The following DGUOK variants were observed in gnomAD, a reference collection of about 807,000 sequenced individuals.
DGUOK encodes deoxyguanosine kinase, mitochondrial.
DGUOK carries 30 observed loss-of-function variants against 36.6 expected under a neutral mutation model. The ratio of observed to expected loss-of-function variants is 0.82; its 90% CI spans 0.61 to 1.11. The LOEUF (loss-of-function observed/expected upper bound fraction) is 1.11, where lower values mean the gene tolerates loss of function less well. Ranked by LOEUF, DGUOK falls within the 50% of genes most tolerant of loss-of-function variation. The pLI, the probability that DGUOK is intolerant of heterozygous loss-of-function variation, is 0.00. For synonymous variants in DGUOK, 145 were observed against 126.3 expected (o/e 1.15, Z -0.99); for missense variants, 361 against 336.4 (o/e 1.07, Z -0.57).
chr2:73,948,132 C>T (rs1486745778), intron 3 of DGUOK, among the ~76,000 whole-genome samples: 1 of 152,232 alleles, frequency 6.6e-6, no homozygotes, highest in African/African-American at 2.4e-5. Flanking sequence ...ACTTCTTTTT[C>T]AGCTGTTGGA....
At chr2:73,949,953 AAGCAAGCAAGCAGG>A (rs1319534977) in intron 3 of DGUOK, among the ~76,000 whole-genome samples, 2 of 152,194 alleles carry the variant, frequency 1.3e-5, no homozygotes, top group African/African-American at 2.4e-5. Context: ...GCAGCAGAGG[AAGCAAGCAAGCAGG>A]AGCTCATAAT....
chr2:73,957,933 G>A, intron 5 of DGUOK: 1 of 466,940 alleles, frequency 2.1e-6, no homozygotes, highest in Non-Finnish European at 4.0e-6. Flanking sequence ...CTGTTTGTTA[G>A]TATCACTCTC....
intron 1 of DGUOK, among the ~76,000 whole-genome samples, chr2:73,928,423 T>C (rs1680771719): frequency 6.6e-6 from 1 of 152,226 alleles, no homozygotes; most frequent in Non-Finnish European, 1.5e-5. Context: ...CCACTGCACC[T>C]GGCCGAAGTT....
chr2:73,930,917 T>C (rs1653261), intron 1 of DGUOK, among the ~76,000 whole-genome samples: 84,718 of 149,672 alleles, frequency 0.57, 25,046 homozygotes, highest in Non-Finnish European at 0.65. Flanking sequence ...TGCCTCAGGC[T>C]CCCAAGTAGC....
intron 1 of DGUOK, among the ~76,000 whole-genome samples, chr2:73,934,766 A>AG: frequency 6.7e-6 from 1 of 149,690 alleles, no homozygotes; most frequent in East Asian, 2.0e-4. Context: ...AAAAAAAAAA[A>AG]AAAGGAAAGA....
intron 2 of DGUOK, among the ~76,000 whole-genome samples, chr2:73,941,579 C>T (rs1681905472): frequency 6.6e-6 from 1 of 152,148 alleles, no homozygotes; most frequent in Non-Finnish European, 1.5e-5. Flanking sequence ...CAAGATCTCC[C>T]TTTCACAGTG....
intron 2 of DGUOK, among the ~76,000 whole-genome samples, chr2:73,946,336 A>G (rs1179588389): frequency 3.3e-5 from 5 of 152,234 alleles, no homozygotes; most frequent in East Asian, 1.9e-4. Flanking sequence ...ATAGTGTTAT[A>G]GTGGAAAGAT....
intron 1 of DGUOK, among the ~76,000 whole-genome samples, chr2:73,937,203 T>A (rs1424374651): frequency 6.6e-6 from 1 of 152,212 alleles, no homozygotes; most frequent in East Asian, 1.9e-4. Context: ...TGTCACTAAC[T>A]TCCCATTGCA....
chr2:73,952,937 C>G (rs1305290818), intron 4 of DGUOK, among the ~76,000 whole-genome samples: 1 of 152,032 alleles, frequency 6.6e-6, no homozygotes, highest in Non-Finnish European at 1.5e-5. Context: ...CTGGGAAGTC[C>G]AAATTGGGCA....
intron 2 of DGUOK, among the ~76,000 whole-genome samples, chr2:73,940,113 G>C (rs941249009): frequency 4.6e-5 from 7 of 152,110 alleles, no homozygotes; most frequent in Non-Finnish European, 1.0e-4. Context: ...TGTTGGCCAG[G>C]CTGGTCTCAA....
chr2:73,928,456 A>G (rs756394788), intron 1 of DGUOK, among the ~76,000 whole-genome samples: 1 of 152,234 alleles, frequency 6.6e-6, no homozygotes, highest in South Asian at 2.1e-4. Context: ...AAAATAAGCA[A>G]GGCCTCACTG....
intron 1 of DGUOK, among the ~76,000 whole-genome samples, chr2:73,929,957 TAAG>T (rs1179655710): frequency 6.6e-6 from 1 of 152,248 alleles, no homozygotes; most frequent in African/African-American, 2.4e-5. Flanking sequence ...AGCATGTTTT[TAAG>T]TTGACAGAAG....
At chr2:73,956,655 C>G (rs958568379) in intron 4 of DGUOK, among the ~76,000 whole-genome samples, 1 of 152,184 alleles carries the variant, frequency 6.6e-6, no homozygotes, top group Non-Finnish European at 1.5e-5. Context: ...ACTTTCTGAC[C>G]TTAAGGCCTG....
rs185403826 is a variant in DGUOK at position 73,944,716 on chromosome 2, G to A, written c.256-2003G>A. On this transcript the variant is annotated intron_variant, in intron 2 of 6. Coordinates refer to ENST00000264093, the MANE Select transcript of DGUOK (RefSeq NM_080916.3). The stretch of plus-strand genomic sequence containing the variant: ...GGTTTCTTTTACATTTTTGGTTCCA[G>A]AAGAGTCTCTCTTTGATAGCCCAAA... 1.2e-3 allele frequency among the ~76,000 whole-genome samples: 189 copies of A among 152,298 alleles called. 1 individual carries two copies. Among genetic ancestry groups the A allele is most frequent in the African/African-American group, 4.5e-3 (185 of 41,572 alleles).
intron 4 of DGUOK, among the ~76,000 whole-genome samples, chr2:73,954,867 C>T (rs1000083488): frequency 1.3e-5 from 2 of 152,204 alleles, no homozygotes; most frequent in African/African-American, 4.8e-5. Flanking sequence ...CACTATCTTT[C>T]CTGTTCACAT....
intron 1 of DGUOK, among the ~76,000 whole-genome samples, chr2:73,936,198 G>C (rs2104893618): frequency 6.6e-6 from 1 of 152,208 alleles, no homozygotes; most frequent in Non-Finnish European, 1.5e-5. Context: ...TTTAAGCGAG[G>C]GCTTACTCAG....
At position 73,950,627 on chromosome 2, in the gene DGUOK, T is replaced by G. The variant is rs772413307; in HGVS notation, c.486T>G (p.Ser162Arg). The G allele has an allele frequency of 1.9e-6, 3 of 1,614,192 alleles. No individual in the cohort carries two copies. The highest frequency in any genetic ancestry group is 4.5e-5 in the East Asian group (2 of 44,884). The change falls in exon 4 of 7, where the codon AGT becomes AGG. Residue 162 changes from serine to arginine, a missense_variant. By Grantham distance (110) the Ser-to-Arg change is moderately radical (BLOSUM62 -1). Coordinates refer to ENST00000264093, the MANE Select transcript of DGUOK (RefSeq NM_080916.3). ...AKNLFENGSL[S>R]DIEWHIYQDW... ...ATCTTTTTGAAAATGGTTCCCTCAG[T>G]GACATCGAGTGGCATATCTATCAGG...
rs548320231 is a variant in DGUOK, at chr2:73,958,135, G to A, written c.708-11G>A. 1.7e-5 allele frequency: 28 copies of A among 1,609,926 alleles called. No homozygotes were observed. The East Asian group carries it at 4.7e-4, about 27-fold the overall frequency. ...TTTTTTCTGTCCCCCAAACGTTCAC[G>A]CTTCTTATAGGCTCCACTTTGAGGC... is the stretch of plus-strand genomic sequence containing the variant. On this transcript the variant is annotated splice_polypyrimidine_tract_variant and intron_variant, in intron 5 of 6. Coordinates refer to ENST00000264093, the MANE Select transcript of DGUOK (RefSeq NM_080916.3).
intron 1 of DGUOK, among the ~76,000 whole-genome samples, chr2:73,934,235 GA>G (rs1234450978): frequency 6.6e-6 from 1 of 152,216 alleles, no homozygotes; most frequent in African/African-American, 2.4e-5. Flanking sequence ...AGAAAAAGAT[GA>G]GTGGTAACAA....
Sources: gnomAD v4.1 joint callset for allele counts (sites outside exome capture counted in the v4.1 genomes callset) on GRCh38, gnomAD v4.1.1 for gene constraint, MANE v1.5 for transcripts, NCBI Gene and HGNC (gene_info 2026-07-23, HGNC 2026-07-21) for gene names.